The following TMEM108 variants were observed in gnomAD, a reference collection of about 807,000 sequenced individuals.
TMEM108 encodes cancer/testis antigen 124.
Under a neutral mutation model 35.1 loss-of-function variants are expected in TMEM108, and 12 were observed. The observed-to-expected ratio is 0.34, with a 90% CI of 0.22 to 0.55. The LOEUF is 0.55. Ranked by LOEUF, TMEM108 falls within the 20% of genes least tolerant of loss-of-function variation. The probability of loss-of-function intolerance (pLI) is 0.89; values close to 1 mark genes in which losing one functional copy is unlikely to be tolerated. For synonymous variants in TMEM108, 287 were observed against 308.6 expected, an observed-to-expected ratio of 0.93 and a Z score of 0.73; for missense variants, 680 against 753.3, an observed-to-expected ratio of 0.90 and a Z score of 1.14.
In TMEM108 at chr3:133,390,160, G is replaced by T; in HGVS notation, c.1451-20G>T. ...TCCTTGCTGCCTCCCTCTCCTCTCT[G>T]ACTTGCACTCTCTCCATAGCTGTCC... On this transcript the variant is annotated intron_variant, in intron 4 of 5. Coordinates refer to ENST00000321871, the MANE Select transcript of TMEM108 (RefSeq NM_023943.4). The T allele has an allele frequency of 6.2e-7, 1 of 1,613,842 alleles. No homozygotes were observed. The highest frequency in any genetic ancestry group is 1.1e-5 in the South Asian group (1 of 91,022).
intron 2 of TMEM108, among the ~76,000 whole-genome samples, chr3:133,198,725 A>G (rs533856060): frequency 1.3e-5 from 2 of 152,318 alleles, no homozygotes; most frequent in East Asian, 3.9e-4. Context: ...TTTGCAAAGA[A>G]ATCCTTTCTC....
intron 2 of TMEM108, among the ~76,000 whole-genome samples, chr3:133,123,518 T>C (rs941267022): frequency 6.6e-6 from 1 of 152,228 alleles, no homozygotes; most frequent in African/African-American, 2.4e-5. Context: ...AAAATTTCAG[T>C]TTGTAAATAC....
At chr3:133,081,205 C>T (rs772764567) in intron 2 of TMEM108, among the ~76,000 whole-genome samples, 2 of 152,110 alleles carry the variant, frequency 1.3e-5, no homozygotes, top group Non-Finnish European at 2.9e-5. Context: ...ATAGACTGGG[C>T]GGTTTGACAA....
intron 2 of TMEM108, among the ~76,000 whole-genome samples, chr3:133,188,656 T>C (rs1945456248): frequency 6.6e-6 from 1 of 152,212 alleles, no homozygotes; most frequent in African/African-American, 2.4e-5. Flanking sequence ...TAAGGTAGGC[T>C]AAGCTCACAG....
At chr3:133,091,505 T>C (rs1943946396) in intron 2 of TMEM108, among the ~76,000 whole-genome samples, 1 of 152,232 alleles carries the variant, frequency 6.6e-6, no homozygotes, top group Non-Finnish European at 1.5e-5. Context: ...ATGCATAATA[T>C]GGTTTAGTAA....
chr3:133,225,076 G>T (rs1946049501), intron 2 of TMEM108, among the ~76,000 whole-genome samples: 2 of 133,432 alleles, frequency 1.5e-5, no homozygotes, highest in Non-Finnish European at 3.1e-5. Flanking sequence ...TTGGAGTCCT[G>T]CTCTGCCGCC....
intron 2 of TMEM108, among the ~76,000 whole-genome samples, chr3:133,152,781 A>G (rs1944821047): frequency 6.6e-6 from 1 of 152,144 alleles, no homozygotes; most frequent in African/African-American, 2.4e-5. Context: ...AAATTTTTTC[A>G]CTTTAAAGTG....
chr3:133,116,192 TG>T (rs1944286031), intron 2 of TMEM108, among the ~76,000 whole-genome samples: 1 of 152,220 alleles, frequency 6.6e-6, no homozygotes, highest in African/African-American at 2.4e-5. Context: ...CTCATTTCTC[TG>T]GGGCATTGTC....
At chr3:133,378,602 G>C (rs2072912157) in intron 3 of TMEM108, 1 of 947,406 alleles carries the variant, frequency 1.1e-6, no homozygotes, top group Non-Finnish European at 1.3e-6. Context: ...CTCAGCCGTA[G>C]AGACAGGCTC....
At chr3:133,176,343 C>T (rs1945227967) in intron 2 of TMEM108, among the ~76,000 whole-genome samples, 1 of 152,202 alleles carries the variant, frequency 6.6e-6, no homozygotes, top group Admixed American at 6.5e-5. Context: ...CTACAGAACT[C>T]TCCACCCCAA....
intron 3 of TMEM108, among the ~76,000 whole-genome samples, chr3:133,305,476 G>A (rs2071018858): frequency 1.3e-5 from 2 of 151,556 alleles, no homozygotes; most frequent in African/African-American, 4.9e-5. Flanking sequence ...TAACTAACCT[G>A]CACAATGTGC....
chr3:133,222,233 A>T (rs1012295451), intron 2 of TMEM108, among the ~76,000 whole-genome samples: 1 of 151,990 alleles, frequency 6.6e-6, no homozygotes, highest in Non-Finnish European at 1.5e-5. Flanking sequence ...CTTTGAATAT[A>T]TCATCCCACT....
At chr3:133,329,332 T>C (rs1877585) in intron 3 of TMEM108, among the ~76,000 whole-genome samples, 2,611 of 152,146 alleles carry the variant, frequency 0.017, 65 homozygotes, top group African/African-American at 0.058. Context: ...GGGAAAGAGG[T>C]TGGGGCTCTT....
intron 2 of TMEM108, among the ~76,000 whole-genome samples, chr3:133,139,537 A>G (rs1371272161): frequency 6.6e-6 from 1 of 152,194 alleles, no homozygotes; most frequent in Non-Finnish European, 1.5e-5. Flanking sequence ...CATTTGATGT[A>G]CTAGACACCC....
chr3:133,110,038 C>A (rs955318191), intron 2 of TMEM108, among the ~76,000 whole-genome samples: 1 of 152,168 alleles, frequency 6.6e-6, no homozygotes, highest in African/African-American at 2.4e-5. Flanking sequence ...CAGAAATCCT[C>A]TATTTTAGCT....
chr3:133,099,002 G>T (rs2107713532), intron 2 of TMEM108, among the ~76,000 whole-genome samples: 1 of 152,308 alleles, frequency 6.6e-6, no homozygotes, highest in Admixed American at 6.5e-5. Flanking sequence ...CTGTGTGGGG[G>T]CTGTGACCCC....
At chr3:133,069,259 G>A (rs1057246064) in intron 2 of TMEM108, among the ~76,000 whole-genome samples, 2 of 152,114 alleles carry the variant, frequency 1.3e-5, no homozygotes, top group Non-Finnish European at 2.9e-5. Context: ...TTATTTTATT[G>A]GTCCTAGATT....
intron 3 of TMEM108, among the ~76,000 whole-genome samples, chr3:133,309,862 G>A (rs1182337099): frequency 2.0e-5 from 3 of 151,882 alleles, no homozygotes; most frequent in Admixed American, 6.6e-5. Context: ...CGCTACGCCC[G>A]GCTAATTTTT....
chr3:133,363,416 AT>A (rs60751474), intron 3 of TMEM108, among the ~76,000 whole-genome samples: 55,627 of 145,896 alleles, frequency 0.38, 10,906 homozygotes, highest in East Asian at 0.48. Context: ...GCTTTTCATT[AT>A]TTTTTTTTTT....
Sources: allele counts gnomAD v4.1 joint callset (sites outside exome capture counted in the v4.1 genomes callset), GRCh38; gene constraint gnomAD v4.1.1; transcripts MANE v1.5; gene names NCBI Gene and HGNC (gene_info 2026-07-23, HGNC 2026-07-21).